The following FMN2 variants were observed in gnomAD, a reference collection of about 807,000 sequenced individuals.
The protein encoded by FMN2 is formin-2.
A neutral mutation model predicts 142.3 loss-of-function variants in FMN2; 51 were observed. That is an observed-to-expected ratio of 0.36 (90% confidence interval 0.29 to 0.45). The LOEUF (loss-of-function observed/expected upper bound fraction) is 0.45. Among genes scored for constraint, FMN2 ranks in the 20% least tolerant of loss-of-function variants. The pLI, the probability that FMN2 is intolerant of heterozygous loss-of-function variation, is 1.00. For synonymous variants in FMN2, 882 were observed against 869.8 expected (o/e 1.01, Z -0.25); for missense variants, 1,936 against 2,122.8 (o/e 0.91, Z 1.73).
chr1:240,098,668 G>A (rs1014328433), intron 1 of FMN2, among the ~76,000 whole-genome samples: 2 of 152,130 alleles, frequency 1.3e-5, no homozygotes, highest in Non-Finnish European at 2.9e-5. Context: ...AGAATTTGGC[G>A]ATGTAAGCGG....
At chr1:240,217,808 A>G (rs1666960675) in intron 6 of FMN2, among the ~76,000 whole-genome samples, 1 of 146,044 alleles carries the variant, frequency 6.8e-6, no homozygotes, top group South Asian at 2.2e-4. Flanking sequence ...GCTAAAAATA[A>G]AAAAAAAAAC....
chr1:240,302,137 A>T (rs890849631), intron 8 of FMN2, among the ~76,000 whole-genome samples: 1 of 151,726 alleles, frequency 6.6e-6, no homozygotes. Context: ...CTTTTATTCA[A>T]CCTCTCAAAT....
chr1:240,138,172 C>A (rs1293931784), intron 2 of FMN2, among the ~76,000 whole-genome samples: 2 of 151,558 alleles, frequency 1.3e-5, no homozygotes, highest in African/African-American at 2.4e-5. Context: ...GAACCCTATT[C>A]TCAGGAGCAG....
intron 14 of FMN2, among the ~76,000 whole-genome samples, chr1:240,375,764 C>A (rs1215236823): frequency 3.3e-5 from 5 of 152,124 alleles, no homozygotes; most frequent in Non-Finnish European, 5.9e-5. Context: ...GCAAGGGTGA[C>A]CTGTCAGGTT....
At chr1:240,394,722 C>T (rs1336835647) in intron 15 of FMN2, among the ~76,000 whole-genome samples, 1 of 152,150 alleles carries the variant, frequency 6.6e-6, no homozygotes, top group Non-Finnish European at 1.5e-5. Context: ...AATCCTAGCA[C>T]TTTCGGAGCC....
At chr1:240,314,852 GTTC>G in intron 8 of FMN2, among the ~76,000 whole-genome samples, 1 of 152,266 alleles carries the variant, frequency 6.6e-6, no homozygotes, top group East Asian at 1.9e-4. Context: ...CATAAATTCT[GTTC>G]TTCTGTGATC....
chr1:240,418,117 T>G (rs1674640509), intron 15 of FMN2, among the ~76,000 whole-genome samples: 2 of 152,096 alleles, frequency 1.3e-5, no homozygotes, highest in Admixed American at 6.5e-5. Flanking sequence ...TAAGCAGTAT[T>G]TATTTTATCT....
At chr1:240,259,682 CA>C (rs1283934253) in intron 7 of FMN2, among the ~76,000 whole-genome samples, 1 of 152,030 alleles carries the variant, frequency 6.6e-6, no homozygotes, top group Non-Finnish European at 1.5e-5. Flanking sequence ...TCCACAGAAG[CA>C]TAAACATCAT....
chr1:240,279,759 A>C (rs953150651), intron 7 of FMN2, among the ~76,000 whole-genome samples: 1 of 133,518 alleles, frequency 7.5e-6, no homozygotes, highest in African/African-American at 2.7e-5. Flanking sequence ...AGGAAACATT[A>C]AAGTAATTTT....
chr1:240,180,451 A>T lies in FMN2; in HGVS notation c.1930+2383A>T, dbSNP rs143011075. Among the ~76,000 whole-genome samples the T allele has an allele frequency of 7.0e-3, 1,060 of 152,144 alleles. 7 individuals are homozygous for T. Among genetic ancestry groups the T allele is most frequent in the African/African-American group, 0.024 (1,010 of 41,504 alleles). On this transcript the variant is annotated intron_variant, in intron 3 of 17. Transcript: ENST00000319653. ...TACAGTCTCATGTTTTACATCAATC[A>T]CAAAGTTTGATAATATAATTATTAA...
chr1:240,378,637 C>G (rs973143862), intron 14 of FMN2, among the ~76,000 whole-genome samples: 6 of 152,178 alleles, frequency 3.9e-5, no homozygotes, highest in African/African-American at 1.4e-4. Context: ...CATCAATATT[C>G]TGCTCTCCTT....
intron 6 of FMN2, among the ~76,000 whole-genome samples, chr1:240,248,065 C>A (rs1041892600): frequency 2.0e-5 from 3 of 151,950 alleles, no homozygotes; most frequent in African/African-American, 7.3e-5. Context: ...AATGCTTGTA[C>A]CCATTAATCA....
chr1:240,259,586 G>A (rs930130748), intron 7 of FMN2, among the ~76,000 whole-genome samples: 5 of 143,858 alleles, frequency 3.5e-5, no homozygotes, highest in African/African-American at 1.3e-4. Context: ...TTGGTGTATT[G>A]TCTGCAAACA....
intron 13 of FMN2, among the ~76,000 whole-genome samples, chr1:240,345,837 C>G (rs947740094): frequency 1.3e-5 from 2 of 151,954 alleles, no homozygotes; most frequent in African/African-American, 2.4e-5. Context: ...GCACTTGGCC[C>G]CTAGATATAT....
chr1:240,317,007 A>C (rs952327346), intron 8 of FMN2, among the ~76,000 whole-genome samples: 2 of 152,138 alleles, frequency 1.3e-5, no homozygotes, highest in Admixed American at 6.5e-5. Context: ...AATTATCAGC[A>C]CAATCAAGAT....
intron 15 of FMN2, among the ~76,000 whole-genome samples, chr1:240,396,251 T>C (rs536647975): frequency 6.6e-6 from 1 of 152,132 alleles, no homozygotes; most frequent in South Asian, 2.1e-4. Flanking sequence ...ACAATATTCA[T>C]TCACTTTATT....
intron 15 of FMN2, among the ~76,000 whole-genome samples, chr1:240,394,673 C>A (rs1673712159): frequency 6.6e-6 from 1 of 152,136 alleles, no homozygotes; most frequent in South Asian, 2.1e-4. Flanking sequence ...GACTTTAAAG[C>A]TTCAGAGAAC....
rs35698298 is a variant in FMN2, at chr1:240,214,550, CAAA to C, written c.4065+3329_4065+3331del. ...TGGGCAATAGAGTGAGACTCCATCT[CAAA>C]AAAAAAAAAAAAAGAAAAAGAAAAA... On this transcript the variant is annotated intron_variant, in intron 6 of 17. Coordinates refer to ENST00000319653, the MANE Select transcript of FMN2 (RefSeq NM_020066.5). 3.5e-3 allele frequency among the ~76,000 whole-genome samples: 428 copies of C among 122,180 alleles called. 3 individuals carry two copies. The highest frequency in any genetic ancestry group is 0.031 in the South Asian group (117 of 3,800). The allele number at this position is 122,180 out of a possible 152,430, so 80.2% of individuals were successfully genotyped here. A position where few individuals can be genotyped will look rare whatever the true frequency, so the allele number is the denominator to read the frequency against.
At chr1:240,222,934 G>A (rs1667172449) in intron 6 of FMN2, among the ~76,000 whole-genome samples, 1 of 152,168 alleles carries the variant, frequency 6.6e-6, no homozygotes, top group Non-Finnish European at 1.5e-5. Context: ...CATGTCATCT[G>A]CAAACGGAGA....
Sources: gnomAD v4.1 joint callset for allele counts (sites outside exome capture counted in the v4.1 genomes callset) on GRCh38, gnomAD v4.1.1 for gene constraint, MANE v1.5 for transcripts, NCBI Gene and HGNC (gene_info 2026-07-23, HGNC 2026-07-21) for gene names.